MCF2L: variants seen among roughly 807,000 people sequenced by gnomAD.
MCF2L encodes the protein MCF.2 cell line derived transforming sequence like.
MCF2L carries 97 observed loss-of-function variants against 153.4 expected under a neutral mutation model. That is an observed-to-expected ratio of 0.63 (90% CI 0.54 to 0.75). The LOEUF (loss-of-function observed/expected upper bound fraction) is 0.75. Ranked by LOEUF, MCF2L falls within the 30% of genes least tolerant of loss-of-function variation. MCF2L has a pLI of 0.00. For missense variants in MCF2L, 1,347 were observed against 1,495.2 expected (o/e 0.90, Z 1.64); for synonymous variants, 659 against 632.2 (o/e 1.04, Z -0.64).
At chr13:112,947,896 A>G (rs2081653764) in intron 2 of MCF2L, among the ~76,000 whole-genome samples, 1 of 152,210 alleles carries the variant, frequency 6.6e-6, no homozygotes, top group Admixed American at 6.5e-5. Flanking sequence ...GGCTATCCAC[A>G]GCATACTTTG....
chr13:113,038,258 G>T (rs951639922), intron 3 of MCF2L, among the ~76,000 whole-genome samples: 10 of 152,118 alleles, frequency 6.6e-5, no homozygotes, highest in Admixed American at 1.3e-4. Context: ...GAGGTCAGGA[G>T]ATCGAGATCA....
chr13:112,980,091 C>T lies in MCF2L; in HGVS notation c.79+10633C>T, dbSNP rs181386823. On this transcript the variant is annotated intron_variant, in intron 1 of 29. Coordinates refer to ENST00000535094, the MANE Select transcript of MCF2L (RefSeq NM_001112732.3). ...GGTTTAATGAGGCTCCCCGGGCACACGCGGTCTGTGGGCAGGTGGGTGTCC... is the reference window on the plus strand; with the variant it reads ...GGTTTAATGAGGCTCCCCGGGCACATGCGGTCTGTGGGCAGGTGGGTGTCC... Among the ~76,000 whole-genome samples the T allele has an allele frequency of 5.0e-4, 76 of 152,288 alleles. 1 individual carries two copies. Among genetic ancestry groups the T allele is most frequent in the Non-Finnish European group, 5.7e-4 (39 of 68,020 alleles).
Position 113,077,104 on chromosome 13 carries a change from A to T in MCF2L, c.1553A>T (p.His518Leu). 6.2e-7 allele frequency: 1 copy of T among 1,612,876 alleles called. No individual in the cohort carries two copies. The highest frequency in any genetic ancestry group is 8.5e-7 in the Non-Finnish European group (1 of 1,179,848). ...CAGGCAAGCATGGAGGAGGTGTTCC[A>T]CCGCAGGCAGGCCAGCCTGAAGAAG... is the stretch of plus-strand genomic sequence containing the variant. ...QKQASMEEVF[H>L]RRQASLKKLA... Residue 518 changes from histidine to leucine, a missense_variant, in exon 13 of 30, where the codon CAC becomes CTC. Transcript: ENST00000535094.
rs187465813 is a variant in MCF2L at position 112,919,057 on chromosome 13, A to G, written c.169+16686A>G. 3.8e-3 allele frequency among the ~76,000 whole-genome samples: 577 copies of G among 152,066 alleles called. 7 individuals carry two copies. The highest frequency in any genetic ancestry group is 0.013 in the African/African-American group (534 of 41,480). On this transcript the variant is annotated intron_variant, in intron 2 of 29. Transcript: ENST00000375608. ...CTGTGGGCCCCGTGCCTCTCTTACT[A>G]TTCCTTCATTCTCTTTCCTTGTGCC...
intron 2 of MCF2L, among the ~76,000 whole-genome samples, chr13:112,927,979 G>C (rs1013292099): frequency 1.3e-5 from 2 of 152,168 alleles, no homozygotes; most frequent in Admixed American, 6.5e-5. Flanking sequence ...AATGTGTCTA[G>C]AAAACACAGA....
At chr13:113,088,210 G>A (rs923957988) in intron 23 of MCF2L, 117 bp from the exon 24 acceptor site, 11 of 904,156 alleles carry the variant, frequency 1.2e-5, no homozygotes, top group Middle Eastern at 2.4e-4. Context: ...CCCCTCACAC[G>A]CAGCCACCTG....
rs2081182758 is a variant in MCF2L at position 112,907,325 on chromosome 13, CA to C, written c.169+4956del. On this transcript the variant is annotated intron_variant, in intron 2 of 29. Transcript: ENST00000375608. This position sits in a 1 kb window ranked among gnomAD's most constrained non-coding sequence, Gnocchi z 5.1. ...ACTTTGGGGAAGGGGAAAATGACCA[CA>C]AGAAACAGATACTTGGAAGGAAATT... 1.3e-5 allele frequency among the ~76,000 whole-genome samples: 2 copies of C among 152,164 alleles called. No individual in the cohort carries two copies. The highest frequency in any genetic ancestry group is 4.8e-5 in the African/African-American group (2 of 41,436).
chr13:113,074,704 G>A lies in MCF2L; in HGVS notation c.1116+141G>A. ...CGGGGATGTCCATGGGGTGGGGGGT[G>A]CTGCTGCCTGTACCCCTCCCCTCCC... On this transcript the variant is annotated intron_variant, in intron 10 of 29. Coordinates refer to ENST00000535094, the MANE Select transcript of MCF2L (RefSeq NM_001112732.3). This position sits in a 1 kb window ranked among gnomAD's most constrained non-coding sequence, Gnocchi z 4.2. The A allele has an allele frequency of 1.6e-6, 2 of 1,280,948 alleles. No homozygotes were observed. Among genetic ancestry groups the A allele is most frequent in the South Asian group, 2.9e-5 (2 of 69,906 alleles). 79.3% of individuals were successfully genotyped at this position (1,280,948 alleles called of 1,614,324 possible).
At chr13:113,066,708 C>T (rs572805431) in intron 8 of MCF2L, among the ~76,000 whole-genome samples, 1 of 141,094 alleles carries the variant, frequency 7.1e-6, no homozygotes, top group African/African-American at 2.6e-5. Flanking sequence ...CCCCCGAGAA[C>T]TCCCCGAGCC....
intron 1 of MCF2L, among the ~76,000 whole-genome samples, chr13:112,978,547 C>T (rs191780976): frequency 3.7e-4 from 57 of 152,336 alleles, no homozygotes; most frequent in African/African-American, 1.2e-3. Context: ...TGGAAGCAGC[C>T]TTTTCCTCTT....
chr13:112,902,149 G>C, intron 1 of MCF2L: 1 of 1,501,918 alleles, frequency 6.7e-7, no homozygotes, highest in Non-Finnish European at 9.2e-7. Context: ...CAGTTCTTAA[G>C]TCTTTCTGCA....
At chr13:113,014,052 C>A (rs925992169) in intron 1 of MCF2L, among the ~76,000 whole-genome samples, 4 of 152,152 alleles carry the variant, frequency 2.6e-5, no homozygotes, top group African/African-American at 9.7e-5. Flanking sequence ...TGACCCCATG[C>A]TCCGAGCTGA....
chr13:112,995,270 C>T (rs1298968550), intron 1 of MCF2L, among the ~76,000 whole-genome samples: 2 of 152,214 alleles, frequency 1.3e-5, no homozygotes, highest in Admixed American at 1.3e-4. Context: ...GACCGGGGCT[C>T]GCTCTCGAGC....
At chr13:113,005,492 G>A (rs2083630607) in intron 1 of MCF2L, among the ~76,000 whole-genome samples, 1 of 152,084 alleles carries the variant, frequency 6.6e-6, no homozygotes, top group South Asian at 2.1e-4. Context: ...CGTGTTTGTT[G>A]TGGCCATGGT....
chr13:113,049,794 G>A (rs1237915694), intron 4 of MCF2L, among the ~76,000 whole-genome samples: 1 of 152,226 alleles, frequency 6.6e-6, no homozygotes, highest in Non-Finnish European at 1.5e-5. Flanking sequence ...CGGGATCCGG[G>A]GCTATTTTTA....
At chr13:113,044,349 G>A (rs150351922) in intron 3 of MCF2L, 2 of 334,858 alleles carry the variant, frequency 6.0e-6, no homozygotes, top group Non-Finnish European at 1.2e-5. Context: ...CTTTAAATCC[G>A]AGCGTCAGAA....
chr13:112,985,853 G>A lies in MCF2L; in HGVS notation c.79+16395G>A, dbSNP rs577452356. On this transcript the variant is annotated intron_variant, in intron 1 of 29. Coordinates refer to ENST00000535094, the MANE Select transcript of MCF2L (RefSeq NM_001112732.3). ...GCTGCAGGTGCAGGACAGAGACAAG[G>A]CCGTGACCGAACACTTTGCTGGTCC... 2.6e-5 allele frequency among the ~76,000 whole-genome samples: 4 copies of A among 152,304 alleles called. No individual in the cohort carries two copies. The East Asian group carries it at 7.7e-4, about 30-fold the overall frequency.
intron 2 of MCF2L, among the ~76,000 whole-genome samples, chr13:112,942,208 G>A (rs904687577): frequency 3.9e-5 from 6 of 152,154 alleles, no homozygotes; most frequent in African/African-American, 1.4e-4. Flanking sequence ...GTTCCATCCT[G>A]TACACCTGGC....
At chr13:112,950,296 A>G (rs1033116335) in intron 2 of MCF2L, among the ~76,000 whole-genome samples, 2 of 152,252 alleles carry the variant, frequency 1.3e-5, no homozygotes, top group Non-Finnish European at 2.9e-5. Flanking sequence ...AAGACACAAT[A>G]TAGTAAAGAT....
Sources: gnomAD v4.1 joint callset for allele counts (sites outside exome capture counted in the v4.1 genomes callset) on GRCh38, gnomAD v4.1.1 for gene constraint, Gnocchi (gnomAD v3.1) non-coding constraint, MANE v1.5 for transcripts, NCBI Gene and HGNC (gene_info 2026-07-23, HGNC 2026-07-21) for gene names.